Variants in THUMPD2 observed in about 807,000 individuals in gnomAD.
THUMPD2 encodes U6 snRNA (guanine-N(2))-methyltransferase THUMPD2.
Under a neutral mutation model 49.4 loss-of-function variants are expected in THUMPD2, and 56 were observed. The observed-to-expected ratio is 1.13, with a 90% confidence interval of 0.91 to 1.41. The LOEUF (loss-of-function observed/expected upper bound fraction) is 1.41, where lower values mean the gene tolerates loss of function less well. Ranked by LOEUF, THUMPD2 falls within the 40% of genes most tolerant of loss-of-function variation. THUMPD2 has a pLI of 0.00. For missense variants in THUMPD2, 709 were observed against 594.5 expected (o/e 1.19, Z -2.00); for synonymous variants, 237 against 205.2 (o/e 1.15, Z -1.32).
intron 1 of THUMPD2, among the ~76,000 whole-genome samples, chr2:39,772,214 C>G (rs1678426320): frequency 6.6e-6 from 1 of 152,130 alleles, no homozygotes. Context: ...GAAAACCTGG[C>G]TGAAGTAAAC....
intron 8 of THUMPD2, among the ~76,000 whole-genome samples, chr2:39,750,333 A>G (rs904140143): frequency 1.3e-5 from 2 of 152,158 alleles, no homozygotes; most frequent in Non-Finnish European, 2.9e-5. Context: ...TTTGATTCGC[A>G]TTTCTCTAAT....
At chr2:39,765,016 TTAATA>T (rs1415607703) in intron 5 of THUMPD2, among the ~76,000 whole-genome samples, 1 of 152,184 alleles carries the variant, frequency 6.6e-6, no homozygotes, top group African/African-American at 2.4e-5. Flanking sequence ...TTAAAAAACA[TTAATA>T]TAAAGTTATA....
chr2:39,740,883 T>TA (rs11437676), intron 9 of THUMPD2, among the ~76,000 whole-genome samples: 3,987 of 152,160 alleles, frequency 0.026, 190 homozygotes, highest in African/African-American at 0.092. Flanking sequence ...TTTTTAAATT[T>TA]TTTATTTATT....
chr2:39,747,373 G>A (rs748981005), intron 8 of THUMPD2, among the ~76,000 whole-genome samples: 2 of 152,072 alleles, frequency 1.3e-5, no homozygotes, highest in Non-Finnish European at 2.9e-5. Context: ...ACAAGAGGGC[G>A]TAAAGCTTTC....
intron 1 of THUMPD2, among the ~76,000 whole-genome samples, chr2:39,772,699 G>A (rs1678494798): frequency 6.6e-6 from 1 of 152,134 alleles, no homozygotes; most frequent in Non-Finnish European, 1.5e-5. Flanking sequence ...GGATGGATGT[G>A]GGCTTTCTTG....
Position 39,768,799 on chromosome 2 carries a change from A to G in THUMPD2, c.673-298T>C. The G allele has an allele frequency of 3.4e-6, 3 of 895,394 alleles. No individual in the cohort carries two copies. In the South Asian group the frequency reaches 4.9e-5, roughly 14 times the overall value. 55.5% of individuals were successfully genotyped at this position (895,394 alleles called of 1,614,324 possible). ...AGATTATGACCTGATAAATATGATCATTCTGGGTTTCAGGAAATAGATGCA... is the reference window on the plus strand; with the variant it reads ...AGATTATGACCTGATAAATATGATCGTTCTGGGTTTCAGGAAATAGATGCA... On this transcript the variant is annotated intron_variant, in intron 3 of 9. Transcript: ENST00000505747.
Position 39,744,518 on chromosome 2 carries a change from C to A in THUMPD2, c.1079-40G>T. 4 of 1,242,210 alleles carry A rather than the reference C, an allele frequency of 3.2e-6. No individual in the cohort carries two copies. In the South Asian group the frequency reaches 4.4e-5, roughly 14 times the overall value. The allele number at this position is 1,242,210 out of a possible 1,614,324, so 76.9% of individuals were successfully genotyped here. The stretch of plus-strand genomic sequence containing the variant: ...TCAGAGAATCCTATTACAGTAGGGT[C>A]AAATATTTACAACTTAAATAATGAG... On this transcript the variant is annotated intron_variant, in intron 8 of 9. Coordinates refer to ENST00000505747, the MANE Select transcript of THUMPD2 (RefSeq NM_025264.5).
At position 39,771,553 on chromosome 2, in the gene THUMPD2, A is replaced by G; in HGVS notation, c.214T>C (p.Leu72=). 1 of 1,607,902 alleles carries G rather than the reference A, an allele frequency of 6.2e-7. No individual in the cohort carries two copies. The highest frequency in any genetic ancestry group is 8.5e-7 in the Non-Finnish European group (1 of 1,178,174). ...AGTGGAAACTGCTTTTTAATCAGCA[A>G]AAATAATCTTTCTGCAGATTTTAAT... ...KKLKSAERLF[L]LIKKQFPLII... is the part of the protein sequence containing the mutation. Residue 72 remains leucine (L), a synonymous_variant, in exon 2 of 10, where the codon TTG becomes CTG. Transcript: ENST00000505747.
At chr2:39,755,177 C>T (rs1458773806) in intron 8 of THUMPD2, 118 bp downstream of exon 8, 1 of 588,854 alleles carries the variant, frequency 1.7e-6, no homozygotes, top group African/African-American at 2.0e-5. Context: ...GTATTAGTCC[C>T]ACAGATATAT....
intron 1 of THUMPD2, among the ~76,000 whole-genome samples, chr2:39,776,753 A>G (rs981379880): frequency 1.3e-5 from 2 of 152,220 alleles, no homozygotes; most frequent in East Asian, 3.9e-4. Context: ...ATAAAAAGCT[A>G]AAAAGAATAC....
intron 3 of THUMPD2, chr2:39,768,903 T>A (rs1572865433): frequency 7.7e-7 from 1 of 1,300,490 alleles, no homozygotes; most frequent in African/African-American, 1.5e-5. Context: ...AGACTCACCC[T>A]TTAGGGTTTG....
rs1373850838 is a variant in THUMPD2, at chr2:39,754,715, T to C, written c.1078+580A>G. Among the ~76,000 whole-genome samples the C allele has an allele frequency of 2.0e-5, 3 of 152,236 alleles. No homozygotes were observed. The East Asian group carries it at 5.8e-4, about 29-fold the overall frequency. Reference sequence around the variant, plus strand: ...TCAATAGACTTGATTCCTAGTTATGTGTGTCACTGCTGATTCCCCTTCATT... The same window carrying C: ...TCAATAGACTTGATTCCTAGTTATGCGTGTCACTGCTGATTCCCCTTCATT... On this transcript the variant is annotated intron_variant, in intron 8 of 9. Transcript: ENST00000505747.
chr2:39,763,310 T>C (rs1483061836), intron 5 of THUMPD2, among the ~76,000 whole-genome samples: 1 of 152,090 alleles, frequency 6.6e-6, no homozygotes, highest in East Asian at 1.9e-4. Flanking sequence ...AGATAAGTAG[T>C]GCAAAGTCAA....
rs1424172414 is a variant in THUMPD2 at position 39,764,063 on chromosome 2, G to A, written c.803+1994C>T. Among the ~76,000 whole-genome samples the A allele has an allele frequency of 2.6e-5, 4 of 152,120 alleles. No individual in the cohort carries two copies. The East Asian group carries it at 7.7e-4, about 29-fold the overall frequency. On this transcript the variant is annotated intron_variant, in intron 5 of 9. Transcript: ENST00000505747. ...ACCCTTTCCTTCTCTTCTCCATGCG[G>A]CATACACTTTCTTATTGCTTTCAAG...
chr2:39,737,150 T>G, intron 9 of THUMPD2, 91 bp from the exon 10 acceptor site: 1 of 1,228,158 alleles, frequency 8.1e-7, no homozygotes, highest in South Asian at 1.6e-5. Flanking sequence ...TGTTTTTAAT[T>G]TGAAATTTAA....
chr2:39,770,830 A>G (rs1297544543), intron 2 of THUMPD2, among the ~76,000 whole-genome samples: 1 of 152,140 alleles, frequency 6.6e-6, no homozygotes, highest in East Asian at 1.9e-4. Context: ...TGCCATTTGC[A>G]TCTTTCTTAA....
At position 39,737,051 on chromosome 2, in the gene THUMPD2, T is replaced by C; in HGVS notation, c.1196A>G (p.His399Arg). 1 of 1,601,504 alleles carries C rather than the reference T, an allele frequency of 6.2e-7. No homozygotes were observed. Among genetic ancestry groups the C allele is most frequent in the Non-Finnish European group, 8.5e-7 (1 of 1,171,820 alleles). Residue 399 changes from histidine (H) to arginine (R), a missense_variant, in exon 10 of 10, where the codon CAT (histidine) becomes CGT (arginine). His to Arg is a conservative substitution (Grantham distance 29, BLOSUM62 0). Coordinates refer to ENST00000505747, the MANE Select transcript of THUMPD2 (RefSeq NM_025264.5). The part of the protein sequence containing the change: ...SILQEMERVL[H>R]VGGTIVLLLS... Reference sequence around the variant, plus strand: ...CAACAATACAATGGTTCCGCCAACATGAAGCACTCTGTGACAAAAAAAAAA... The same window carrying C: ...CAACAATACAATGGTTCCGCCAACACGAAGCACTCTGTGACAAAAAAAAAA...
chr2:39,763,896 TAAAC>T (rs1677160628), intron 5 of THUMPD2, among the ~76,000 whole-genome samples: 1 of 152,146 alleles, frequency 6.6e-6, no homozygotes, highest in Non-Finnish European at 1.5e-5. Flanking sequence ...TATACATACT[TAAAC>T]AAGGCACTTC....
At position 39,766,064 on chromosome 2, in the gene THUMPD2, C is replaced by T. The variant is rs1237836344; in HGVS notation, c.796G>A (p.Val266Met). ...GAAGCTTAGAATATCTACCTGAACA[C>T]AGGAATCCCCACCACAGAGTAAATG... ...NDIYSVVGIPVFRVSLASRAY... is the reference protein window; with the variant it reads ...NDIYSVVGIPMFRVSLASRAY... The change falls in exon 5 of 10, where the codon GTG becomes ATG. Residue 266 changes from valine (V) to methionine (M), a missense_variant. Transcript: ENST00000505747. 2 of 1,583,670 alleles carry T rather than the reference C, an allele frequency of 1.3e-6. No individual in the cohort carries two copies. The highest frequency in any genetic ancestry group is 1.7e-6 in the Non-Finnish European group (2 of 1,169,362).
Sources: gnomAD v4.1 joint callset for allele counts (sites outside exome capture counted in the v4.1 genomes callset) on GRCh38, gnomAD v4.1.1 for gene constraint, MANE v1.5 for transcripts, NCBI Gene and HGNC (gene_info 2026-07-23, HGNC 2026-07-21) for gene names.